The following EPSTI1 variants were observed in gnomAD, a reference collection of about 807,000 sequenced individuals.
EPSTI1 encodes epithelial stromal interaction 1.
In EPSTI1, 66 loss-of-function variants were observed where a neutral mutation model predicts 49.9. The observed-to-expected ratio is 1.32, with a 90% CI of 1.08 to 1.62. The LOEUF is 1.62. Ranked by LOEUF, EPSTI1 falls within the 40% of genes most tolerant of loss-of-function variation. The pLI is 0.00. For missense variants in EPSTI1, 394 were observed against 365.5 expected (o/e 1.08, Z -0.64); for synonymous variants, 137 against 130.7 (o/e 1.05, Z -0.33).
At position 42,992,109 on chromosome 13, in the gene EPSTI1, G is replaced by C. The variant is rs1430717158; in HGVS notation, c.57C>G (p.Arg19=). ...NSGLGASPAS[R]PTRDPQDPSG... ...AAGGGTCCTGGGGATCCCGGGTCGGGCGGGAGGCAGGGGAGGCGCCGAGCC... is the reference window on the plus strand; with the variant it reads ...AAGGGTCCTGGGGATCCCGGGTCGGCCGGGAGGCAGGGGAGGCGCCGAGCC... The change falls in exon 1 of 11, where the codon CGC becomes CGG. Residue 19 remains arginine, a synonymous_variant. Transcript: ENST00000313624. 1 of 1,611,320 alleles carries C rather than the reference G, an allele frequency of 6.2e-7. No individual in the cohort carries two copies. The highest frequency in any genetic ancestry group is 8.5e-7 in the Non-Finnish European group (1 of 1,179,138).
At chr13:42,902,885 A>C (rs994384867) in intron 8 of EPSTI1, among the ~76,000 whole-genome samples, 2 of 152,196 alleles carry the variant, frequency 1.3e-5, no homozygotes, top group Non-Finnish European at 2.9e-5. Flanking sequence ...CATTCAAAAT[A>C]AATGGTTGGA....
At chr13:42,959,019 C>A (rs17551804) in intron 5 of EPSTI1, among the ~76,000 whole-genome samples, 1 of 151,998 alleles carries the variant, frequency 6.6e-6, no homozygotes, top group Non-Finnish European at 1.5e-5. Flanking sequence ...TAGATTCCAA[C>A]GAGATAGTGT....
intron 1 of EPSTI1, among the ~76,000 whole-genome samples, chr13:42,990,270 C>T: frequency 6.6e-6 from 1 of 151,370 alleles, no homozygotes; most frequent in Admixed American, 6.6e-5. Context: ...TCAGGAATCG[C>T]AAAATAGTGT....
At chr13:42,898,855 A>G (rs1324713150) in intron 9 of EPSTI1, among the ~76,000 whole-genome samples, 5 of 152,234 alleles carry the variant, frequency 3.3e-5, no homozygotes, top group Non-Finnish European at 7.3e-5. Flanking sequence ...ACTACTAGCA[A>G]TCAGTTTATA....
In EPSTI1 at chr13:42,966,615, C is replaced by G. The variant is rs1179200739; in HGVS notation, c.332-2476G>C. 3.3e-5 allele frequency among the ~76,000 whole-genome samples: 2 copies of G among 61,328 alleles called. 1 individual carries two copies. Among genetic ancestry groups the G allele is most frequent in the Admixed American group, 3.9e-4 (2 of 5,066 alleles). The allele number at this position is 61,328 out of a possible 152,430, so 40.2% of individuals were successfully genotyped here. Reference sequence around the variant, plus strand: ...CTGCCCCGTCTGAGAAGTGAGGAGCCTCTCCGCCCGGCAGCCACCCCATCT... The same window carrying G: ...CTGCCCCGTCTGAGAAGTGAGGAGCGTCTCCGCCCGGCAGCCACCCCATCT... On this transcript the variant is annotated intron_variant, in intron 3 of 10. Coordinates refer to ENST00000313624, the MANE Select transcript of EPSTI1 (RefSeq NM_033255.5).
chr13:42,910,163 G>T (rs1321887238), intron 8 of EPSTI1, among the ~76,000 whole-genome samples: 2 of 149,388 alleles, frequency 1.3e-5, no homozygotes, highest in Non-Finnish European at 3.0e-5. Flanking sequence ...GCTGCTTTTT[G>T]ATTAGATCTT....
chr13:42,947,740 C>A (rs1162989438), intron 6 of EPSTI1, among the ~76,000 whole-genome samples: 3 of 152,192 alleles, frequency 2.0e-5, no homozygotes. Context: ...CTACACAGGG[C>A]CTGTACATTT....
chr13:42,898,567 T>C (rs1043376840), intron 9 of EPSTI1, among the ~76,000 whole-genome samples: 1 of 152,138 alleles, frequency 6.6e-6, no homozygotes, highest in Non-Finnish European at 1.5e-5. Flanking sequence ...TCTATTTAAG[T>C]AGAATCAAAA....
intron 6 of EPSTI1, among the ~76,000 whole-genome samples, chr13:42,942,912 TCTC>T (rs2038804734): frequency 6.6e-6 from 1 of 151,818 alleles, no homozygotes; most frequent in African/African-American, 2.4e-5. Flanking sequence ...ATGGTCTCGA[TCTC>T]CTGACCTCAT....
chr13:42,943,859 C>T (rs1285430686), intron 6 of EPSTI1, among the ~76,000 whole-genome samples: 1 of 151,984 alleles, frequency 6.6e-6, no homozygotes, highest in Non-Finnish European at 1.5e-5. Context: ...GTGGGCAAAG[C>T]ATATGAACAG....
chr13:42,908,333 A>T (rs1172244945), intron 8 of EPSTI1, among the ~76,000 whole-genome samples: 1 of 152,156 alleles, frequency 6.6e-6, no homozygotes, highest in Admixed American at 6.5e-5. Flanking sequence ...TGAAAATACA[A>T]AAATTAGCCA....
chr13:42,889,096 A>T (rs1262779693), intron 10 of EPSTI1: 3 of 837,782 alleles, frequency 3.6e-6, no homozygotes, highest in Admixed American at 2.6e-5. Flanking sequence ...TGGTCATAGG[A>T]AATGCTTAAC....
At position 42,898,032 on chromosome 13, in the gene EPSTI1, C is replaced by T. The variant is rs139284635; in HGVS notation, c.815+2278G>A. Among the ~76,000 whole-genome samples the T allele has an allele frequency of 1.4e-4, 22 of 152,306 alleles. 2 individuals are homozygous for T. The highest frequency in any genetic ancestry group is 5.3e-4 in the African/African-American group (22 of 41,572). On this transcript the variant is annotated intron_variant, in intron 9 of 10. Transcript: ENST00000313624. ...CCAAATCCTTTCAAGTCCTTGACCC[C>T]CATGCTCTGTCGTTTCTCTCTGGAA...
At chr13:42,941,817 T>G (rs2038760985) in intron 6 of EPSTI1, among the ~76,000 whole-genome samples, 1 of 151,780 alleles carries the variant, frequency 6.6e-6, no homozygotes. Context: ...CTTCTTAAAG[T>G]CAGTATTTAT....
At chr13:42,925,511 G>C (rs73470104) in intron 7 of EPSTI1, among the ~76,000 whole-genome samples, 36 of 152,176 alleles carry the variant, frequency 2.4e-4, no homozygotes, top group African/African-American at 8.7e-4. Context: ...CAGGGCCTAG[G>C]GATACTAAGC....
chr13:42,893,098 A>T (rs560387989), intron 10 of EPSTI1, among the ~76,000 whole-genome samples: 2 of 152,346 alleles, frequency 1.3e-5, no homozygotes, highest in African/African-American at 4.8e-5. Context: ...AAACCTTGTA[A>T]CAGTGGGTTT....
intron 9 of EPSTI1, 68 bp from the exon 10 acceptor site, chr13:42,895,176 T>A: frequency 8.0e-7 from 1 of 1,251,790 alleles, no homozygotes; most frequent in Non-Finnish European, 1.1e-6. Context: ...TCTGAGAATC[T>A]AATGTGTTGT....
intron 6 of EPSTI1, among the ~76,000 whole-genome samples, chr13:42,933,332 A>G (rs1434859463): frequency 1.3e-5 from 2 of 149,156 alleles, no homozygotes; most frequent in East Asian, 3.9e-4. Flanking sequence ...AAAAAAAAAA[A>G]GAGTCTGCCT....
At chr13:42,966,744 G>C (rs1170545578) in intron 3 of EPSTI1, among the ~76,000 whole-genome samples, 3 of 86,510 alleles carry the variant, frequency 3.5e-5, no homozygotes, top group East Asian at 6.0e-4. Flanking sequence ...GGTGAGGGGC[G>C]CCTCCGCCCG....
Sources: gnomAD v4.1 joint callset for allele counts (sites outside exome capture counted in the v4.1 genomes callset) on GRCh38, gnomAD v4.1.1 for gene constraint, MANE v1.5 for transcripts, NCBI Gene and HGNC (gene_info 2026-07-23, HGNC 2026-07-21) for gene names.